The following FERMT1 variants were observed in gnomAD, a reference collection of about 807,000 sequenced individuals.
FERMT1 encodes the protein FERM domain containing kindlin 1.
Under a neutral mutation model 85.3 loss-of-function variants are expected in FERMT1, and 60 were observed. That is an observed-to-expected ratio of 0.70 (90% CI 0.57 to 0.87). The LOEUF (loss-of-function observed/expected upper bound fraction) is 0.87. FERMT1 is among the 40% of genes least tolerant of loss of function. FERMT1 has a pLI of 0.00. For missense variants in FERMT1, 701 were observed against 818.9 expected, an observed-to-expected ratio of 0.86 and a Z score of 1.76; for synonymous variants, 275 against 301.1, an observed-to-expected ratio of 0.91 and a Z score of 0.90.
rs182323577 is a variant in FERMT1, at chr20:6,077,978, C to T, written c.1861-632G>A. Reference sequence around the variant, plus strand: ...TATAGGCGTGAGCCACTGCACCCGGCCTGCAGGCTCTTTAATGAATAAAAG... The same window carrying T: ...TATAGGCGTGAGCCACTGCACCCGGTCTGCAGGCTCTTTAATGAATAAAAG... On this transcript the variant is annotated intron_variant, in intron 14 of 14. Transcript: ENST00000217289. Among the ~76,000 whole-genome samples, 745 of 149,524 alleles carry T rather than the reference C, an allele frequency of 5.0e-3. 6 individuals carry two copies. The highest frequency in any genetic ancestry group is 0.018 in the African/African-American group (717 of 40,144).
chr20:6,111,763 C>G (rs1284971084), intron 4 of FERMT1, among the ~76,000 whole-genome samples: 1 of 152,164 alleles, frequency 6.6e-6, no homozygotes, highest in Non-Finnish European at 1.5e-5. Flanking sequence ...ACCTGCCCTC[C>G]TCTTGCATGC....
chr20:6,112,955 T>G (rs1212569142), intron 3 of FERMT1, among the ~76,000 whole-genome samples: 1 of 152,232 alleles, frequency 6.6e-6, no homozygotes, highest in South Asian at 2.1e-4. Flanking sequence ...ACTAGCATTA[T>G]GCTATTCTTG....
rs189367975 is a variant in FERMT1, at chr20:6,083,742, A to G, written c.1718+298T>C. On this transcript the variant is annotated intron_variant, in intron 13 of 14. Transcript: ENST00000217289. ...AAACCGAAAAGAAGTTACAGATTTCATAAAATCAATATGTGATGTTTACCC... is the reference window on the plus strand; with the variant it reads ...AAACCGAAAAGAAGTTACAGATTTCGTAAAATCAATATGTGATGTTTACCC... 7.3e-5 allele frequency among the ~76,000 whole-genome samples: 11 copies of G among 150,192 alleles called. No individual in the cohort carries two copies. In the East Asian group the frequency reaches 1.6e-3, roughly 21 times the overall value.
At chr20:6,110,700 A>C (rs1019714899) in intron 4 of FERMT1, among the ~76,000 whole-genome samples, 189 bp from the exon 5 acceptor site, 4 of 152,174 alleles carry the variant, frequency 2.6e-5, no homozygotes, top group Admixed American at 2.0e-4. Context: ...CTGAGGTTGG[A>C]GAATTGTTTG....
chr20:6,085,738 TACTTGG>T (rs1008589085), intron 11 of FERMT1, among the ~76,000 whole-genome samples: 1 of 151,802 alleles, frequency 6.6e-6, no homozygotes, highest in Non-Finnish European at 1.5e-5. Context: ...TAATCCCAGC[TACTTGG>T]GAGGCTGAAG....
At position 6,077,098 on chromosome 20, in the gene FERMT1, G is replaced by A. The variant is rs922809216; in HGVS notation, c.*75C>T. On this transcript the variant is annotated 3_prime_UTR_variant, in exon 15 of 15. Coordinates refer to ENST00000217289, the MANE Select transcript of FERMT1 (RefSeq NM_017671.5). Reference sequence around the variant, plus strand: ...TGTTAGTCCAGAATCTACATGCTGGGCACGTTAGGGATCCCTCTGGGGAGG... The same window carrying A: ...TGTTAGTCCAGAATCTACATGCTGGACACGTTAGGGATCCCTCTGGGGAGG... 135 of 1,423,860 alleles carry A rather than the reference G, an allele frequency of 9.5e-5. 3 individuals are homozygous for A. The South Asian group carries it at 1.4e-3, about 14-fold the overall frequency. The allele number at this position is 1,423,860 out of a possible 1,614,324, so 88.2% of individuals were successfully genotyped here.
intron 13 of FERMT1, among the ~76,000 whole-genome samples, chr20:6,080,844 T>G (rs946657780): frequency 6.6e-5 from 10 of 152,168 alleles, no homozygotes; most frequent in African/African-American, 2.4e-4. Context: ...TCATTAGATA[T>G]CCAAGGGTCA....
intron 6 of FERMT1, among the ~76,000 whole-genome samples, chr20:6,101,227 C>T (rs1261031091): frequency 2.0e-5 from 3 of 152,208 alleles, no homozygotes; most frequent in Admixed American, 1.3e-4. Flanking sequence ...CTTTTAGTAT[C>T]GTTTTGCCCT....
intron 9 of FERMT1, 146 bp from the exon 10 acceptor site, chr20:6,089,235 A>G (rs1251788070): frequency 3.8e-6 from 3 of 796,040 alleles, no homozygotes; most frequent in African/African-American, 1.7e-5. Context: ...CTAATTTCCA[A>G]GCGCTGGAAA....
At chr20:6,109,094 C>T (rs11908294) in intron 5 of FERMT1, among the ~76,000 whole-genome samples, 13,717 of 152,144 alleles carry the variant, frequency 0.09, 1,137 homozygotes, top group East Asian at 0.46. Flanking sequence ...CTGTACAATG[C>T]ATAGTAGAGT....
At chr20:6,096,120 C>G (rs1982491589) in intron 8 of FERMT1, among the ~76,000 whole-genome samples, 1 of 152,190 alleles carries the variant, frequency 6.6e-6, no homozygotes, top group Non-Finnish European at 1.5e-5. Context: ...CTCCTGAAGT[C>G]AAAAGCATTC....
chr20:6,110,730 A>T (rs1440688233), intron 4 of FERMT1, among the ~76,000 whole-genome samples: 1 of 152,162 alleles, frequency 6.6e-6, no homozygotes, highest in Non-Finnish European at 1.5e-5. Context: ...GTTTGAGACC[A>T]GCCAGGGCAA....
chr20:6,096,404 A>G lies in FERMT1; in HGVS notation c.1089+498T>C, dbSNP rs1479418608. On this transcript the variant is annotated intron_variant, in intron 8 of 14. Coordinates refer to ENST00000217289, the MANE Select transcript of FERMT1 (RefSeq NM_017671.5). ...GCCAGGCACAGTAGTGTGTGTCTGT[A>G]GTCCCAGCTACTCCGGAGGCTGAGA... Among the ~76,000 whole-genome samples the G allele has an allele frequency of 5.9e-5, 9 of 152,336 alleles. No homozygotes were observed. In the South Asian group the frequency reaches 6.2e-4, roughly 11 times the overall value.
chr20:6,100,587 GT>G (rs1471017441), intron 6 of FERMT1, among the ~76,000 whole-genome samples: 1 of 152,122 alleles, frequency 6.6e-6, no homozygotes, highest in African/African-American at 2.4e-5. Flanking sequence ...TATTAAACAG[GT>G]AAATGTATGG....
intron 14 of FERMT1, among the ~76,000 whole-genome samples, chr20:6,078,639 T>TA (rs35181846): frequency 1.4e-5 from 2 of 138,348 alleles, no homozygotes; most frequent in African/African-American, 5.2e-5. Flanking sequence ...CAGCGTTTTT[T>TA]TTTTTTGTTT....
rs1449623660 is a variant in FERMT1 at position 6,119,546 on chromosome 20, T to C, written c.9A>G (p.Ser3=). 2 of 1,614,028 alleles carry C rather than the reference T, an allele frequency of 1.2e-6. No individual in the cohort carries two copies. Among genetic ancestry groups the C allele is most frequent in the Non-Finnish European group, 1.7e-6 (2 of 1,179,950 alleles). The change falls in exon 2 of 15, where the codon TCA becomes TCG. Residue 3 remains serine (S), a synonymous_variant. Coordinates refer to ENST00000217289, the MANE Select transcript of FERMT1 (RefSeq NM_017671.5). ...AGGAAGCAAATGTAAAGTCAGTGGA[T>C]GACAGCATTGTGGCAAATGCTGGTG... The part of the protein sequence containing the change: ML[S]STDFTFASWE...
At chr20:6,080,918 T>C (rs577204574) in intron 13 of FERMT1, among the ~76,000 whole-genome samples, 11 of 152,272 alleles carry the variant, frequency 7.2e-5, no homozygotes, top group East Asian at 5.8e-4. Flanking sequence ...TTCAGAGTAA[T>C]TGGCATATAA....
chr20:6,111,475 T>C (rs1256170498), intron 4 of FERMT1, among the ~76,000 whole-genome samples: 1 of 151,916 alleles, frequency 6.6e-6, no homozygotes, highest in Non-Finnish European at 1.5e-5. Flanking sequence ...CTACTAAAAA[T>C]ACAAAAATTA....
intron 6 of FERMT1, among the ~76,000 whole-genome samples, chr20:6,105,444 G>A (rs1336282997): frequency 6.6e-6 from 1 of 152,148 alleles, no homozygotes. Flanking sequence ...CCACAGCATT[G>A]CAGAGTACTT....
Sources: allele counts gnomAD v4.1 joint callset (sites outside exome capture counted in the v4.1 genomes callset), GRCh38; gene constraint gnomAD v4.1.1; transcripts MANE v1.5; gene names NCBI Gene and HGNC (gene_info 2026-07-23, HGNC 2026-07-21).